Variants in CRYBG2 observed in about 807,000 individuals in gnomAD.
The protein encoded by CRYBG2 is crystallin beta-gamma domain containing 2, also known as beta/gamma crystallin domain-containing protein 2.
A neutral mutation model predicts 153.4 loss-of-function variants in CRYBG2; 106 were observed. That is an observed-to-expected ratio of 0.69 (90% CI 0.59 to 0.81). The LOEUF (loss-of-function observed/expected upper bound fraction) is 0.81, where lower values mean the gene tolerates loss of function less well. Among genes scored for constraint, CRYBG2 ranks in the 30% least tolerant of loss-of-function variants. The pLI, the probability that CRYBG2 is intolerant of heterozygous loss-of-function variation, is 0.00. For missense variants in CRYBG2, 1,996 were observed against 2,112.0 expected (o/e 0.95, Z 1.08); for synonymous variants, 851 against 877.8 (o/e 0.97, Z 0.54).
chr1:26,345,611 T>C lies in CRYBG2; in HGVS notation c.1047A>G (p.Ala349=), dbSNP rs372220073. Residue 349 remains alanine (A), a synonymous_variant, in exon 2 of 20, where the codon GCA becomes GCG. Coordinates refer to ENST00000308182, the MANE Select transcript of CRYBG2 (RefSeq NM_001039775.4). ...ELPLQTSQGQ[A]SVPSSPRLET... ...CGAGTCTGGGAGAGGAGGGGACTGA[T>C]GCTTGACCCTGAGAAGTCTGGAGAG... The C allele has an allele frequency of 4.4e-6, 7 of 1,599,902 alleles. No individual in the cohort carries two copies. The highest frequency in any genetic ancestry group is 3.3e-5 in the Admixed American group (2 of 59,992).
rs2074204139 is a variant in CRYBG2, at chr1:26,345,553, G to C, written c.1105C>G (p.Pro369Ala). The change falls in exon 2 of 20, where the codon CCT becomes GCT. Residue 369 changes from proline to alanine, a missense_variant. Pro to Ala is a conservative substitution (Grantham distance 27, BLOSUM62 -1). Coordinates refer to ENST00000308182, the MANE Select transcript of CRYBG2 (RefSeq NM_001039775.4). The stretch of plus-strand genomic sequence containing the variant: ...GTGGGCACCACAGGCTGCTTTGCAG[G>C]GTGAGTTAGGCCAGGAGAGGGGACA... Reference protein sequence around the residue: ...THVPSPGLTHPAKQPVVPTHP... With the variant: ...THVPSPGLTHAAKQPVVPTHP... 1.2e-6 allele frequency: 2 copies of C among 1,604,636 alleles called. No individual in the cohort carries two copies. The highest frequency in any genetic ancestry group is 2.7e-5 in the African/African-American group (2 of 74,928).
chr1:26,346,595 T>G lies in CRYBG2; in HGVS notation c.63A>C (p.Thr21=). The G allele has an allele frequency of 1.3e-6, 2 of 1,589,856 alleles. No homozygotes were observed. The highest frequency in any genetic ancestry group is 1.7e-6 in the Non-Finnish European group (2 of 1,168,040). The part of the protein sequence containing the change: ...AKARVVSATL[T]WRQRPPTQEE... ...CCTGGGTGGGGGGCCGCTGCCGCCATGTCAATGTGGCACTTACCACTCGGG... is the reference window on the plus strand; with the variant it reads ...CCTGGGTGGGGGGCCGCTGCCGCCAGGTCAATGTGGCACTTACCACTCGGG... Residue 21 remains threonine (T), a synonymous_variant, in exon 2 of 20, where the codon ACA becomes ACC. Coordinates refer to ENST00000308182, the MANE Select transcript of CRYBG2 (RefSeq NM_001039775.4). This position sits in a 1 kb window ranked among gnomAD's most constrained non-coding sequence, Gnocchi z 4.9.
chr1:26,324,005 A>G (rs918579158), intron 18 of CRYBG2, 147 bp downstream of exon 18: 6 of 767,314 alleles, frequency 7.8e-6, no homozygotes, highest in Non-Finnish European at 1.0e-5. Context: ...CGACTTGCCC[A>G]GGGGGAACAG....
rs1369775275 is a variant in CRYBG2, at chr1:26,344,506, T to G, written c.2152A>C (p.Ser718Arg). The change falls in exon 2 of 20, where the codon AGC becomes CGC. Residue 718 changes from serine to arginine, a missense_variant. Ser to Arg is a moderately radical substitution (Grantham distance 110). Coordinates refer to ENST00000308182, the MANE Select transcript of CRYBG2 (RefSeq NM_001039775.4). Reference protein sequence around the residue: ...PSSSVDRVSPSPGGTPAPVPT... With the variant: ...PSSSVDRVSPRPGGTPAPVPT... ...ACTGGGGCAGGGGTGCCTCCTGGGC[T>G]GGGGGACACCCTGTCCACTGAGGAA... 1 of 1,547,040 alleles carries G rather than the reference T, an allele frequency of 6.5e-7. No homozygotes were observed. The highest frequency in any genetic ancestry group is 1.2e-5 in the South Asian group (1 of 83,836).
In CRYBG2 at chr1:26,321,949, G is replaced by C. The variant is rs1266185362; in HGVS notation, c.*19C>G. ...ATCCCAGCAAAAGCCTCCAGGGCTG[G>C]AGGGTGAGGGGAAAAGTTTCAAAGC... On this transcript the variant is annotated 3_prime_UTR_variant, in exon 20 of 20. Transcript: ENST00000308182. The C allele has an allele frequency of 1.9e-6, 3 of 1,538,774 alleles. No homozygotes were observed. Among genetic ancestry groups the C allele is most frequent in the African/African-American group, 2.8e-5 (2 of 72,710 alleles).
chr1:26,322,785 C>T (rs2073875217), intron 18 of CRYBG2, among the ~76,000 whole-genome samples: 4 of 152,152 alleles, frequency 2.6e-5, no homozygotes, highest in Non-Finnish European at 1.5e-5. Flanking sequence ...GGCATGTGGT[C>T]AGCCATCTCT....
intron 15 of CRYBG2, among the ~76,000 whole-genome samples, chr1:26,330,026 C>T (rs1437508121): frequency 6.6e-6 from 1 of 152,326 alleles, no homozygotes; most frequent in East Asian, 1.9e-4. Flanking sequence ...TGAGCCAACA[C>T]GCCCGGCCCA....
chr1:26,324,303 A>G lies in CRYBG2; in HGVS notation c.4586T>C (p.Val1529Ala), dbSNP rs759287425. The G allele has an allele frequency of 9.4e-5, 151 of 1,605,276 alleles. No homozygotes were observed. Among genetic ancestry groups the G allele is most frequent in the Non-Finnish European group, 1.3e-4 (148 of 1,178,444 alleles). ...TGCTGCATTCCAGAGGCGGAAATAA[A>G]CCCGGCGCTGGTGGCAGAAAGAGGC... ...GSLYPIKQRR[V>A]YFRLWNAALG... Residue 1529 changes from valine (V) to alanine (A), a missense_variant, in exon 18 of 20, where the codon GTT becomes GCT. Coordinates refer to ENST00000308182, the MANE Select transcript of CRYBG2 (RefSeq NM_001039775.4).
In CRYBG2 at chr1:26,345,023, C is replaced by T; in HGVS notation, c.1635G>A (p.Trp545Ter). The change falls in exon 2 of 20, where the codon TGG (tryptophan) becomes TGA (stop). Residue 545 changes from tryptophan to a stop codon, truncating the protein, a stop_gained. Coordinates refer to ENST00000308182, the MANE Select transcript of CRYBG2 (RefSeq NM_001039775.4). LOFTEE classifies it high-confidence loss of function. ...CACCAGGGCCCTTCACAACCTCTTT[C>T]CAGGTGGGAAATGAGGCATCAGGAG... ...PGAPDASFPT[W>*]KEVVKGPGAP... The T allele has an allele frequency of 1.1e-6, 1 of 888,148 alleles. No individual in the cohort carries two copies. The highest frequency in any genetic ancestry group is 1.5e-6 in the Non-Finnish European group (1 of 658,818). 55.0% of individuals were successfully genotyped at this position (888,148 alleles called of 1,614,324 possible).
rs1375294278 is a variant in CRYBG2 at position 26,337,615 on chromosome 1, G to A, written c.3567C>T (p.Ile1189=). The change falls in exon 9 of 20, where the codon ATC becomes ATT. Residue 1189 remains isoleucine (I), a synonymous_variant. Transcript: ENST00000308182. ...QGRSWEVSRD[I]YNLQQPEDSQ... The stretch of plus-strand genomic sequence containing the variant: ...TGTCCTCTGGCTGCTGAAGGTTGTA[G>A]ATGTCTCGGCTCACTTCCCAGCTGC... The A allele has an allele frequency of 6.2e-6, 10 of 1,613,268 alleles. No individual in the cohort carries two copies. Among genetic ancestry groups the A allele is most frequent in the Non-Finnish European group, 8.5e-6 (10 of 1,179,944 alleles).
chr1:26,333,045 A>AAAAAAAAAAAAAAAAAAAAAAT (rs2074016334), intron 14 of CRYBG2, among the ~76,000 whole-genome samples: 1 of 138,736 alleles, frequency 7.2e-6, no homozygotes, highest in African/African-American at 2.8e-5. Flanking sequence ...AAAAAAAAAA[A>AAAAAAAAAAAAAAAAAAAAAAT]AGATTTCTAA....
In CRYBG2 at chr1:26,345,658, C is replaced by G; in HGVS notation, c.1000G>C (p.Ala334Pro). The G allele has an allele frequency of 6.3e-7, 1 of 1,598,734 alleles. No individual in the cohort carries two copies. The highest frequency in any genetic ancestry group is 8.5e-7 in the Non-Finnish European group (1 of 1,179,752). Residue 334 changes from alanine to proline, a missense_variant, in exon 2 of 20, where the codon GCC becomes CCC. Coordinates refer to ENST00000308182, the MANE Select transcript of CRYBG2 (RefSeq NM_001039775.4). ...RACELWQVLGAPSSTELPLQT... is the reference protein window; with the variant it reads ...RACELWQVLGPPSSTELPLQT... The stretch of plus-strand genomic sequence containing the variant: ...AGAGGGAGCTCAGTGGAACTGGGGG[C>G]TCCCAGCACCTGCCAGAGCTCACAG...
At chr1:26,337,146 C>A (rs1289215215) in intron 10 of CRYBG2, 107 bp downstream of exon 10, 13 of 1,566,552 alleles carry the variant, frequency 8.3e-6, no homozygotes, top group Non-Finnish European at 9.5e-6. Flanking sequence ...GGAACACTTA[C>A]AGGGAGAACA....
In CRYBG2 at chr1:26,337,185, A is replaced by C. The variant is rs2074071212; in HGVS notation, c.3771+68T>G. ...AGAGGGGGTACAAATTCTTCCCTCC[A>C]CAAACTGTACTGGGGGAGGTCTGGC... On this transcript the variant is annotated intron_variant, in intron 10 of 19. Transcript: ENST00000308182. The C allele has an allele frequency of 1.9e-6, 3 of 1,598,452 alleles. No individual in the cohort carries two copies. The African/African-American group carries it at 4.0e-5, about 21-fold the overall frequency.
chr1:26,336,533 C>G lies in CRYBG2; in HGVS notation c.4038+73G>C, dbSNP rs1260856175. ...CAGGTCCTCCAGCCCGCTACCTCTGCGTGGGGGCGGGGCGCACCCGAACTC... is the reference window on the plus strand; with the variant it reads ...CAGGTCCTCCAGCCCGCTACCTCTGGGTGGGGGCGGGGCGCACCCGAACTC... On this transcript the variant is annotated intron_variant, in intron 12 of 19. Coordinates refer to ENST00000308182, the MANE Select transcript of CRYBG2 (RefSeq NM_001039775.4). This position sits in a 1 kb window ranked among gnomAD's most constrained non-coding sequence, Gnocchi z 4.9. 1.9e-6 allele frequency: 3 copies of G among 1,541,790 alleles called. No homozygotes were observed. The highest frequency in any genetic ancestry group is 4.1e-5 in the Admixed American group (2 of 49,374).
intron 1 of CRYBG2, among the ~76,000 whole-genome samples, chr1:26,351,520 G>A (rs1398039556): frequency 1.3e-5 from 2 of 152,162 alleles, no homozygotes; most frequent in African/African-American, 4.8e-5. Flanking sequence ...GAAGCCAGGG[G>A]CCAAGGAATT....
chr1:26,328,838 G>A lies in CRYBG2; in HGVS notation c.4350C>T (p.Leu1450=), dbSNP rs373851994. The A allele has an allele frequency of 2.0e-5, 33 of 1,613,892 alleles. No homozygotes were observed. The highest frequency in any genetic ancestry group is 1.3e-4 in the East Asian group (6 of 44,868). The change falls in exon 16 of 20, where the codon CTC becomes CTT. Residue 1450 remains leucine (L), a synonymous_variant. Coordinates refer to ENST00000308182, the MANE Select transcript of CRYBG2 (RefSeq NM_001039775.4). ...CGATCTCCTTCCCCTCGAAGCACTC[G>A]AGTCCATACAGGAAAATGGAAGGCT... ...FSEPSIFLYG[L]ECFEGKEIEL... is the part of the protein sequence containing the mutation.
At position 26,337,409 on chromosome 1, in the gene CRYBG2, G is replaced by A. The variant is rs539664416; in HGVS notation, c.3645-30C>T. The A allele has an allele frequency of 2.5e-6, 4 of 1,610,508 alleles. 1 individual carries two copies. In the South Asian group the frequency reaches 3.3e-5, roughly 13 times the overall value. On this transcript the variant is annotated intron_variant, in intron 9 of 19. Coordinates refer to ENST00000308182, the MANE Select transcript of CRYBG2 (RefSeq NM_001039775.4). ...GAAAAGCAGGAGGACAGACAGGCAG[G>A]TTCAGTCATAGGAGGCCCATGGATG...
chr1:26,328,800 T>A lies in CRYBG2; in HGVS notation c.4388A>T (p.Glu1463Val), dbSNP rs2073963874. 1.2e-6 allele frequency: 2 copies of A among 1,613,964 alleles called. No homozygotes were observed. The highest frequency in any genetic ancestry group is 1.7e-5 in the Admixed American group (1 of 59,984). Residue 1463 changes from glutamate (E) to valine (V), a missense_variant, in exon 16 of 20, where the codon GAG (glutamate) becomes GTG (valine). Glu to Val is a moderately radical substitution (Grantham distance 121). Transcript: ENST00000308182. ...FEGKEIELSR[E>V]VRSLQAEGFN... ...GCCCTCGGCTTGCAGGCTCCGCACC[T>A]CCCTGCTGAGCTCGATCTCCTTCCC...
Sources: allele counts gnomAD v4.1 joint callset (sites outside exome capture counted in the v4.1 genomes callset), GRCh38; gene constraint gnomAD v4.1.1; non-coding constraint Gnocchi (gnomAD v3.1); transcripts MANE v1.5; gene names NCBI Gene and HGNC (gene_info 2026-07-23, HGNC 2026-07-21).